The following SP140 variants were observed in gnomAD, a reference collection of about 807,000 sequenced individuals.
The protein encoded by SP140 is SP140 nuclear body protein.
SP140 carries 81 observed loss-of-function variants against 125.0 expected under a neutral mutation model. The observed-to-expected ratio is 0.65, with a 90% CI of 0.54 to 0.78. SP140 has a LOEUF of 0.78. SP140 is among the 30% of genes least tolerant of loss of function. The pLI is 0.00. For synonymous variants in SP140, 312 were observed against 354.0 expected (o/e 0.88, Z 1.33); for missense variants, 858 against 1,037.0 (o/e 0.83, Z 2.37).
chr2:230,252,891 A>G (rs929488542), intron 10 of SP140, among the ~76,000 whole-genome samples: 36 of 152,216 alleles, frequency 2.4e-4, no homozygotes, highest in African/African-American at 7.0e-4. Flanking sequence ...CTGAGGAGTG[A>G]ACCAGGGATC....
At chr2:230,246,262 T>C (rs1250196401) in intron 7 of SP140, among the ~76,000 whole-genome samples, 1 of 152,116 alleles carries the variant, frequency 6.6e-6, no homozygotes, top group African/African-American at 2.4e-5. Context: ...TTCCTGCATA[T>C]AGGACATAGG....
intron 3 of SP140, chr2:230,215,014 C>A (rs747528128): frequency 1.8e-5 from 29 of 1,613,690 alleles, no homozygotes; most frequent in Non-Finnish European, 2.4e-5. Flanking sequence ...TTTGACTGAA[C>A]AATGTCACCA....
intron 12 of SP140, among the ~76,000 whole-genome samples, chr2:230,259,271 C>T (rs2051779480): frequency 6.6e-6 from 1 of 151,996 alleles, no homozygotes; most frequent in Non-Finnish European, 1.5e-5. Flanking sequence ...CCTCCAAGTC[C>T]CCAAAGTCCA....
At chr2:230,314,197 C>T (rs2059464447), downstream of SP140, among the ~76,000 whole-genome samples, 1 of 152,196 alleles carries the variant, frequency 6.6e-6, no homozygotes. Context: ...GCCCCCTGAA[C>T]TCACTGGGCC....
intron 15 of SP140, among the ~76,000 whole-genome samples, chr2:230,274,457 A>G (rs971377520): frequency 6.6e-6 from 1 of 152,162 alleles, no homozygotes; most frequent in Non-Finnish European, 1.5e-5. Context: ...AGATGGATGC[A>G]GGGGTCCATC....
intron 3 of SP140, chr2:230,238,748 T>C: frequency 2.6e-6 from 4 of 1,539,076 alleles, no homozygotes; most frequent in Non-Finnish European, 3.5e-6. Flanking sequence ...TAAAACAATT[T>C]TCTTTGTATT....
At chr2:230,303,269 A>G (rs770169947) in intron 22 of SP140, among the ~76,000 whole-genome samples, 1 of 152,188 alleles carries the variant, frequency 6.6e-6, no homozygotes, top group Non-Finnish European at 1.5e-5. Context: ...ACTTAAGTCT[A>G]CTATGAACAC....
intron 15 of SP140, among the ~76,000 whole-genome samples, chr2:230,275,000 C>T (rs1274576401): frequency 1.3e-5 from 2 of 152,176 alleles, no homozygotes; most frequent in African/African-American, 4.8e-5. Flanking sequence ...TTTTAACTTA[C>T]ATTGCTTTCA....
In SP140 at chr2:230,300,960, A is replaced by G. The variant is rs566030406; in HGVS notation, c.2058+3498A>G. ...AAATAGATATCATAAATAAAAATCAATCACAACTTCTGGAAGTGAAAGACA... is the reference window on the plus strand; with the variant it reads ...AAATAGATATCATAAATAAAAATCAGTCACAACTTCTGGAAGTGAAAGACA... On this transcript the variant is annotated intron_variant, in intron 22 of 26. Transcript: ENST00000392045. Among the ~76,000 whole-genome samples the G allele has an allele frequency of 2.6e-5, 4 of 152,356 alleles. No individual in the cohort carries two copies. The South Asian group carries it at 8.3e-4, about 32-fold the overall frequency.
chr2:230,289,555 G>A (rs1219168365), intron 18 of SP140, among the ~76,000 whole-genome samples: 1 of 152,104 alleles, frequency 6.6e-6, no homozygotes, highest in East Asian at 1.9e-4. Context: ...TCTCACTGCA[G>A]ACTCCACCTC....
At chr2:230,230,992 C>T (rs2047154182) in intron 1 of SP140, among the ~76,000 whole-genome samples, 1 of 151,884 alleles carries the variant, frequency 6.6e-6, no homozygotes, top group Admixed American at 6.6e-5. Context: ...TTTCTTTTGA[C>T]ATATCTTCAA....
At chr2:230,219,801 G>T in intron 3 of SP140, 1 of 474,766 alleles carries the variant, frequency 2.1e-6, no homozygotes, top group Non-Finnish European at 2.8e-6. Context: ...CCCTGCAGCT[G>T]CTGCCGCGAA....
downstream of SP140, among the ~76,000 whole-genome samples, chr2:230,314,186 T>C (rs751797911): frequency 1.3e-5 from 2 of 152,186 alleles, no homozygotes; most frequent in Non-Finnish European, 2.9e-5. Flanking sequence ...TGACTCCAGA[T>C]GCCCCCTGAA....
At chr2:230,245,110 C>A (rs1323503118) in intron 6 of SP140, 30 bp downstream of exon 6, 3 of 1,462,762 alleles carry the variant, frequency 2.1e-6, no homozygotes, top group Admixed American at 3.4e-5. Context: ...CCAATTATCT[C>A]ATTAAATTAG....
rs370520445 is a variant in SP140, at chr2:230,237,212, C to G, written c.189C>G (p.Phe63Leu). Residue 63 changes from phenylalanine (F) to leucine (L), a missense_variant, in exon 2 of 27, where the codon TTC (phenylalanine) becomes TTG (leucine). Around this residue, in one of 4 missense-constraint regions of SP140, gnomAD observed 791 missense variants for 869.5 expected, o/e 0.91. Coordinates refer to ENST00000392045, the MANE Select transcript of SP140 (RefSeq NM_007237.5). The surrounding 1 kb of genome is among the most constrained non-coding windows in gnomAD (Gnocchi z 5.4). ...IASAITRPFP[F>L]LMGLRDRSFI... ...GTGCAATAACAAGGCCATTTCCTTTCCTTATGGGCCTCCGAGACCGCTCCT... is the reference window on the plus strand; with the variant it reads ...GTGCAATAACAAGGCCATTTCCTTTGCTTATGGGCCTCCGAGACCGCTCCT... 1 of 1,611,610 alleles carries G rather than the reference C, an allele frequency of 6.2e-7. No individual in the cohort carries two copies. Among genetic ancestry groups the G allele is most frequent in the Non-Finnish European group, 8.5e-7 (1 of 1,179,342 alleles).
In SP140 at chr2:230,237,308, A is replaced by G; in HGVS notation, c.237+48A>G. 1 of 1,556,378 alleles carries G rather than the reference A, an allele frequency of 6.4e-7. No homozygotes were observed. Among genetic ancestry groups the G allele is most frequent in the Non-Finnish European group, 8.8e-7 (1 of 1,139,260 alleles). On this transcript the variant is annotated intron_variant, in intron 2 of 26. Transcript: ENST00000392045. The surrounding 1 kb of genome is among the most constrained non-coding windows in gnomAD (Gnocchi z 5.4). ...TGATAAACCAGGTCCATACTCAATT[A>G]TGCCAAACTTCAAGATGCAATGAGC...
chr2:230,277,748 G>T (rs891274816), intron 15 of SP140, among the ~76,000 whole-genome samples: 1 of 151,986 alleles, frequency 6.6e-6, no homozygotes, highest in Non-Finnish European at 1.5e-5. Flanking sequence ...TCATTTATTG[G>T]TATATGATGT....
intron 3 of SP140, chr2:230,215,266 G>A: frequency 1.5e-6 from 1 of 674,682 alleles, no homozygotes; most frequent in Non-Finnish European, 2.5e-6. Flanking sequence ...CTCTAAGGTA[G>A]AGCGGTCACA....
chr2:230,255,605 C>G lies in SP140; in HGVS notation c.1240+73C>G. 2.2e-6 allele frequency: 3 copies of G among 1,392,806 alleles called. No individual in the cohort carries two copies. In the Admixed American group the frequency reaches 5.1e-5, roughly 24 times the overall value. 86.3% of individuals were successfully genotyped at this position (1,392,806 alleles called of 1,614,324 possible). On this transcript the variant is annotated intron_variant, in intron 12 of 26. Coordinates refer to ENST00000392045, the MANE Select transcript of SP140 (RefSeq NM_007237.5). Reference sequence around the variant, plus strand: ...GAGGTTGAATTTGGAGCTCGTGTTTCCTGATTGACTTTCCTCTGCATATAC... The same window carrying G: ...GAGGTTGAATTTGGAGCTCGTGTTTGCTGATTGACTTTCCTCTGCATATAC...
Sources: allele counts gnomAD v4.1 joint callset (sites outside exome capture counted in the v4.1 genomes callset), GRCh38; gene constraint gnomAD v4.1.1; regional missense constraint gnomAD v4.1.1; non-coding constraint Gnocchi (gnomAD v3.1); transcripts MANE v1.5; gene names NCBI Gene and HGNC (gene_info 2026-07-23, HGNC 2026-07-21).